Variants in CCDC172 observed in about 807,000 individuals in gnomAD.
CCDC172 encodes coiled-coil domain containing 172.
CCDC172 carries 30 observed loss-of-function variants against 38.0 expected under a neutral mutation model. The observed-to-expected ratio is 0.79, with a 90% CI of 0.59 to 1.07. The LOEUF is 1.07. Among genes scored for constraint, CCDC172 ranks in the 50% least tolerant of loss-of-function variants. The probability of loss-of-function intolerance (pLI) is 0.00; values close to 1 mark genes in which losing one functional copy is unlikely to be tolerated. For missense variants in CCDC172, 297 were observed against 290.1 expected (o/e 1.02, Z -0.17); for synonymous variants, 78 against 88.3 (o/e 0.88, Z 0.66).
At chr10:116,362,065 C>G (rs1346553872) in intron 7 of CCDC172, among the ~76,000 whole-genome samples, 1 of 152,110 alleles carries the variant, frequency 6.6e-6, no homozygotes, top group Non-Finnish European at 1.5e-5. Context: ...TGGCAGGCAC[C>G]TGTAGCCTCA....
intron 7 of CCDC172, among the ~76,000 whole-genome samples, chr10:116,358,387 A>G (rs1408671076): frequency 1.3e-5 from 2 of 152,128 alleles, no homozygotes; most frequent in South Asian, 2.1e-4. Flanking sequence ...GATTATTTAG[A>G]TGATTTTTAT....
At chr10:116,342,971 C>CT (rs1358786269) in intron 5 of CCDC172, among the ~76,000 whole-genome samples, 30 of 151,932 alleles carry the variant, frequency 2.0e-4, no homozygotes, top group Middle Eastern at 6.8e-3. Flanking sequence ...TCTTCTTCTT[C>CT]TTCTTTTTTA....
intron 5 of CCDC172, among the ~76,000 whole-genome samples, chr10:116,346,655 A>G: frequency 7.6e-6 from 1 of 130,798 alleles, no homozygotes; most frequent in African/African-American, 2.5e-5. Flanking sequence ...TTTAAAATTA[A>G]GAAAAAAAAA....
chr10:116,345,969 C>G (rs1001277192), intron 5 of CCDC172, among the ~76,000 whole-genome samples: 2 of 152,190 alleles, frequency 1.3e-5, no homozygotes, highest in African/African-American at 4.8e-5. Context: ...GAGATGAAAC[C>G]TATATCCTAA....
At chr10:116,369,956 G>C (rs1049087393) in intron 7 of CCDC172, among the ~76,000 whole-genome samples, 2 of 151,896 alleles carry the variant, frequency 1.3e-5, no homozygotes, top group African/African-American at 4.8e-5. Flanking sequence ...TTCATTATGA[G>C]TGAATTTGAG....
At chr10:116,342,942 G>A (rs757948466) in intron 5 of CCDC172, among the ~76,000 whole-genome samples, 1 of 152,016 alleles carries the variant, frequency 6.6e-6, no homozygotes, top group Non-Finnish European at 1.5e-5. Flanking sequence ...CCAGAACCAT[G>A]AGCTAAGTAA....
At position 116,325,365 on chromosome 10, in the gene CCDC172, G is replaced by A. The variant is rs150446276; in HGVS notation, c.142G>A (p.Glu48Lys). 3.7e-5 allele frequency: 60 copies of A among 1,613,706 alleles called. No homozygotes were observed. Among genetic ancestry groups the A allele is most frequent in the Non-Finnish European group, 4.7e-5 (56 of 1,179,816 alleles). The change falls in exon 3 of 9, where the codon GAG becomes AAG. Residue 48 changes from glutamate to lysine, a missense_variant. Glu to Lys is a moderately conservative substitution (Grantham distance 56). Coordinates refer to ENST00000333254, the MANE Select transcript of CCDC172 (RefSeq NM_198515.3). ...IKKATEELNE[E>K]KIKLESKVQQ... ...GAAAGCAACGGAGGAGCTGAATGAAGAGAAAATCAAGCTGGAATCTAAGGT... is the reference window on the plus strand; with the variant it reads ...GAAAGCAACGGAGGAGCTGAATGAAAAGAAAATCAAGCTGGAATCTAAGGT...
chr10:116,353,148 G>A (rs973857553), intron 5 of CCDC172, among the ~76,000 whole-genome samples: 7 of 151,760 alleles, frequency 4.6e-5, no homozygotes, highest in Admixed American at 6.6e-5. Flanking sequence ...AGCCGAGATC[G>A]CGCCACTGCA....
At chr10:116,361,388 A>AGTT (rs1845062862) in intron 7 of CCDC172, among the ~76,000 whole-genome samples, 1 of 152,188 alleles carries the variant, frequency 6.6e-6, no homozygotes, top group Non-Finnish European at 1.5e-5. Flanking sequence ...ACAATTTTAA[A>AGTT]CATTTCAGGA....
At chr10:116,364,186 A>T (rs186011806) in intron 7 of CCDC172, among the ~76,000 whole-genome samples, 4 of 152,308 alleles carry the variant, frequency 2.6e-5, no homozygotes, top group African/African-American at 9.6e-5. Context: ...GGATACCAAC[A>T]TGAGTAAGAC....
At chr10:116,357,994 G>A (rs1181543292) in intron 7 of CCDC172, 56 bp downstream of exon 7, 1 of 895,972 alleles carries the variant, frequency 1.1e-6, no homozygotes, top group Non-Finnish European at 1.8e-6. Context: ...AAGTTAAATA[G>A]ATTTCAGTAT....
chr10:116,327,247 TAAC>T, intron 3 of CCDC172, among the ~76,000 whole-genome samples: 1 of 152,280 alleles, frequency 6.6e-6, no homozygotes, highest in African/African-American at 2.4e-5. Context: ...AATTGAGTAA[TAAC>T]AGCATATTTT....
intron 7 of CCDC172, among the ~76,000 whole-genome samples, chr10:116,363,974 A>C (rs2134959547): frequency 6.6e-6 from 1 of 151,936 alleles, no homozygotes; most frequent in Non-Finnish European, 1.5e-5. Context: ...TTAAAGTTTC[A>C]TGTGTCAATA....
At chr10:116,365,985 T>C (rs974092331) in intron 7 of CCDC172, among the ~76,000 whole-genome samples, 5 of 152,196 alleles carry the variant, frequency 3.3e-5, no homozygotes, top group Non-Finnish European at 5.9e-5. Flanking sequence ...ATTTATACAA[T>C]GACAAAATCA....
chr10:116,366,660 A>G (rs1180531809), intron 7 of CCDC172, among the ~76,000 whole-genome samples: 2 of 152,178 alleles, frequency 1.3e-5, no homozygotes, highest in Non-Finnish European at 2.9e-5. Context: ...GCACATATGC[A>G]AGAGTTGTTC....
At chr10:116,338,923 A>G (rs185304635) in intron 3 of CCDC172, among the ~76,000 whole-genome samples, 3 of 152,148 alleles carry the variant, frequency 2.0e-5, no homozygotes, top group East Asian at 3.9e-4. Context: ...GCGTTTCTGA[A>G]GGGCATAATA....
At chr10:116,369,935 A>T (rs1244746659) in intron 7 of CCDC172, among the ~76,000 whole-genome samples, 1 of 151,822 alleles carries the variant, frequency 6.6e-6, no homozygotes, top group Admixed American at 6.6e-5. Context: ...TGTGTAGTAT[A>T]TTTGCAACTC....
In CCDC172 at chr10:116,329,186, G is replaced by T. The variant is rs182911010; in HGVS notation, c.165+3798G>T. Among the ~76,000 whole-genome samples, 521 of 152,156 alleles carry T rather than the reference G, an allele frequency of 3.4e-3. 3 individuals are homozygous for T. The highest frequency in any genetic ancestry group is 0.012 in the African/African-American group (489 of 41,514). On this transcript the variant is annotated intron_variant, in intron 3 of 8. Transcript: ENST00000333254. ...TTCTCTATGAAATTCTATAAAGAAAGCCTTATCATGTTTGTCATGAGTAAT... is the reference window on the plus strand; with the variant it reads ...TTCTCTATGAAATTCTATAAAGAAATCCTTATCATGTTTGTCATGAGTAAT...
At chr10:116,327,280 G>A (rs1844603859) in intron 3 of CCDC172, among the ~76,000 whole-genome samples, 1 of 151,974 alleles carries the variant, frequency 6.6e-6, no homozygotes, top group African/African-American at 2.4e-5. Flanking sequence ...GATTTCTTAA[G>A]CTCACTTTAA....
Sources: gnomAD v4.1 joint callset for allele counts (sites outside exome capture counted in the v4.1 genomes callset) on GRCh38, gnomAD v4.1.1 for gene constraint, MANE v1.5 for transcripts, NCBI Gene and HGNC (gene_info 2026-07-23, HGNC 2026-07-21) for gene names.